Variants in SPAG16 observed in about 807,000 individuals in gnomAD.
SPAG16 encodes sperm-associated antigen 16 protein.
Under a neutral mutation model 80.4 loss-of-function variants are expected in SPAG16, and 86 were observed. The observed-to-expected ratio is 1.07, with a 90% CI of 0.90 to 1.28. SPAG16 has a LOEUF of 1.28. Ranked by LOEUF, SPAG16 falls within the 50% of genes most tolerant of loss-of-function variation. SPAG16 has a pLI of 0.00. For synonymous variants in SPAG16, 294 were observed against 265.9 expected (o/e 1.11, Z -1.03); for missense variants, 870 against 765.3 (o/e 1.14, Z -1.61).
chr2:213,759,966 C>T (rs1165444256), intron 10 of SPAG16, among the ~76,000 whole-genome samples: 2 of 151,658 alleles, frequency 1.3e-5, no homozygotes, highest in African/African-American at 2.4e-5. Context: ...ACCCAGGAGG[C>T]GGAGGCTGCA....
intron 15 of SPAG16, among the ~76,000 whole-genome samples, chr2:214,306,375 C>T (rs1006660291): frequency 3.3e-5 from 5 of 152,154 alleles, no homozygotes; most frequent in Admixed American, 1.3e-4. Context: ...ATTTCTTTCT[C>T]TTCCCTGACT....
chr2:214,291,921 T>G (rs1559187800), intron 15 of SPAG16, among the ~76,000 whole-genome samples: 1 of 152,230 alleles, frequency 6.6e-6, no homozygotes, highest in African/African-American at 2.4e-5. Flanking sequence ...AGGAGTCCCT[T>G]AAGCATTTCT....
At chr2:214,379,091 T>C (rs4673821) in intron 15 of SPAG16, among the ~76,000 whole-genome samples, 85,759 of 152,012 alleles carry the variant, frequency 0.56, 24,360 homozygotes, top group South Asian at 0.73. Context: ...TCTTGTGAAT[T>C]ATCCCTAAAA....
At chr2:214,045,719 A>G (rs2049283148) in intron 13 of SPAG16, among the ~76,000 whole-genome samples, 1 of 152,226 alleles carries the variant, frequency 6.6e-6, no homozygotes, top group South Asian at 2.1e-4. Flanking sequence ...CAGTACTAAG[A>G]GGCAAGTTTA....
chr2:213,659,407 T>G (rs1436871460), intron 10 of SPAG16, among the ~76,000 whole-genome samples: 1 of 152,036 alleles, frequency 6.6e-6, no homozygotes, highest in Admixed American at 6.5e-5. Flanking sequence ...GAATATTCCC[T>G]TAATGAATAT....
intron 9 of SPAG16, among the ~76,000 whole-genome samples, chr2:213,415,082 C>T (rs936100421): frequency 2.6e-5 from 4 of 152,178 alleles, no homozygotes; most frequent in Admixed American, 6.5e-5. Context: ...GTGGGAATTA[C>T]GGGAGTACAA....
At chr2:214,210,885 C>T (rs2058275693) in intron 15 of SPAG16, among the ~76,000 whole-genome samples, 1 of 151,778 alleles carries the variant, frequency 6.6e-6, no homozygotes, top group Non-Finnish European at 1.5e-5. Context: ...ATATATGGAT[C>T]TTATGATAGT....
At chr2:213,964,849 C>G (rs945371820) in intron 12 of SPAG16, among the ~76,000 whole-genome samples, 7 of 152,196 alleles carry the variant, frequency 4.6e-5, no homozygotes, top group Non-Finnish European at 7.3e-5. Flanking sequence ...ACATCTAGCT[C>G]TTTATTGACA....
rs1305034209 is a variant in SPAG16 at position 214,271,846 on chromosome 2, C to G, written c.1720+122580C>G. On this transcript the variant is annotated intron_variant, in intron 15 of 15. Transcript: ENST00000331683. ...AAAAAAGAGAAACTGTGGGAAACCC[C>G]CCCCCCAAAAAAAAAGAAAGAAAAA... Among the ~76,000 whole-genome samples, 3 of 143,500 alleles carry G rather than the reference C, an allele frequency of 2.1e-5. No homozygotes were observed. In the East Asian group the frequency reaches 6.2e-4, roughly 30 times the overall value. The allele number at this position is 143,500 out of a possible 152,430, so 94.1% of individuals were successfully genotyped here.
At chr2:213,482,522 T>A (rs562494611) in intron 9 of SPAG16, among the ~76,000 whole-genome samples, 16 of 152,310 alleles carry the variant, frequency 1.1e-4, no homozygotes, top group African/African-American at 2.4e-4. Context: ...TCAAATGGTA[T>A]AATGATTCTT....
At chr2:214,240,927 G>C (rs1689420812) in intron 15 of SPAG16, 1 of 152,010 alleles carries the variant, frequency 6.6e-6, no homozygotes, top group East Asian at 1.9e-4. Context: ...TCCAATATCT[G>C]TCATAATATT....
At chr2:213,874,486 C>T (rs2076068236) in intron 11 of SPAG16, among the ~76,000 whole-genome samples, 1 of 152,044 alleles carries the variant, frequency 6.6e-6, no homozygotes, top group Non-Finnish European at 1.5e-5. Context: ...TCATTAATAT[C>T]ACTTTGGCCC....
chr2:214,094,648 AC>A (rs1337226323), intron 13 of SPAG16, among the ~76,000 whole-genome samples: 1 of 152,124 alleles, frequency 6.6e-6, no homozygotes, highest in Non-Finnish European at 1.5e-5. Flanking sequence ...AGACCTACTC[AC>A]AGAACTTACA....
At chr2:214,178,812 T>A (rs2057216798) in intron 15 of SPAG16, among the ~76,000 whole-genome samples, 1 of 151,394 alleles carries the variant, frequency 6.6e-6, no homozygotes, top group Non-Finnish European at 1.5e-5. Flanking sequence ...AAGAAACATA[T>A]TTTGAAAATG....
chr2:213,421,848 G>A (rs930517203), intron 9 of SPAG16, among the ~76,000 whole-genome samples: 1 of 152,054 alleles, frequency 6.6e-6, no homozygotes, highest in Non-Finnish European at 1.5e-5. Context: ...AGGACGACCT[G>A]CCCGCAGAAA....
intron 13 of SPAG16, among the ~76,000 whole-genome samples, chr2:214,039,752 T>G (rs980610523): frequency 6.6e-6 from 1 of 152,236 alleles, no homozygotes; most frequent in South Asian, 2.1e-4. Flanking sequence ...CTCTACCTTA[T>G]TTTGCTTTGT....
At chr2:213,336,484 T>A (rs2064365313) in intron 5 of SPAG16, among the ~76,000 whole-genome samples, 1 of 152,162 alleles carries the variant, frequency 6.6e-6, no homozygotes, top group Admixed American at 6.5e-5. Context: ...CTAGGAAGAC[T>A]TAATTCCGAG....
intron 12 of SPAG16, among the ~76,000 whole-genome samples, chr2:213,978,370 A>G (rs2045527041): frequency 6.6e-6 from 1 of 152,128 alleles, no homozygotes; most frequent in African/African-American, 2.4e-5. Flanking sequence ...CAAATTTCCA[A>G]TAAAATTTTC....
intron 5 of SPAG16, among the ~76,000 whole-genome samples, chr2:213,327,066 G>T (rs559598960): frequency 7.2e-5 from 11 of 151,732 alleles, no homozygotes; most frequent in Non-Finnish European, 1.6e-4. Flanking sequence ...GACAAAGCAT[G>T]TGCAAATTGT....
Sources: allele counts gnomAD v4.1 joint callset (sites outside exome capture counted in the v4.1 genomes callset), GRCh38; gene constraint gnomAD v4.1.1; transcripts MANE v1.5; gene names NCBI Gene and HGNC (gene_info 2026-07-23, HGNC 2026-07-21).